The following NPSR1 variants were observed in gnomAD, a reference collection of about 807,000 sequenced individuals.
The protein encoded by NPSR1 is neuropeptide S receptor 1.
NPSR1 carries 48 observed loss-of-function variants against 46.9 expected under a neutral mutation model. The observed-to-expected ratio is 1.02, with a 90% CI of 0.81 to 1.30. The LOEUF (loss-of-function observed/expected upper bound fraction) is 1.30. Ranked by LOEUF, NPSR1 falls within the 50% of genes most tolerant of loss-of-function variation. The pLI, the probability that NPSR1 is intolerant of heterozygous loss-of-function variation, is 0.00. For synonymous variants in NPSR1, 176 were observed against 168.1 expected (o/e 1.05, Z -0.36); for missense variants, 450 against 449.5 (o/e 1.00, Z -0.01).
At chr7:34,724,673 A>G (rs1051092458) in intron 2 of NPSR1, among the ~76,000 whole-genome samples, 1 of 152,150 alleles carries the variant, frequency 6.6e-6, no homozygotes, top group African/African-American at 2.4e-5. Flanking sequence ...ATTTGGGGTA[A>G]AATCCCAGCT....
intron 2 of NPSR1, among the ~76,000 whole-genome samples, chr7:34,707,627 A>C (rs1794174539): frequency 6.6e-6 from 1 of 152,232 alleles, no homozygotes; most frequent in Non-Finnish European, 1.5e-5. Flanking sequence ...TACAAATTAC[A>C]GGTAAAATAA....
At position 34,685,412 on chromosome 7, in the gene NPSR1, C is replaced by G. The variant is rs150953627; in HGVS notation, c.280+728C>G. Among the ~76,000 whole-genome samples the G allele has an allele frequency of 2.8e-3, 426 of 152,162 alleles. 6 individuals are homozygous for G. Among genetic ancestry groups the G allele is most frequent in the East Asian group, 0.016 (82 of 5,164 alleles). ...AAAGAAAGTGAGAAAATGAGATTCA[C>G]AGAAGGTCCAGCATAAGCCACACTT... On this transcript the variant is annotated intron_variant, in intron 2 of 8. Transcript: ENST00000360581.
At chr7:34,818,863 C>T (rs186288785) in intron 4 of NPSR1, among the ~76,000 whole-genome samples, 81 of 152,280 alleles carry the variant, frequency 5.3e-4, no homozygotes, top group African/African-American at 1.8e-3. Context: ...CCTGGCTAGC[C>T]ATATGGAGAA....
At chr7:34,777,747 G>A (rs36056473) in intron 2 of NPSR1, among the ~76,000 whole-genome samples, 10,414 of 152,056 alleles carry the variant, frequency 0.068, 1,032 homozygotes, top group African/African-American at 0.22. Flanking sequence ...GAGGGGTGAG[G>A]GGCAGTTTTT....
chr7:34,678,750 C>T (rs959845094), intron 1 of NPSR1, among the ~76,000 whole-genome samples: 1 of 150,962 alleles, frequency 6.6e-6, no homozygotes, highest in Non-Finnish European at 1.5e-5. Context: ...GGCGTGAACC[C>T]GGCAGGCGGA....
At chr7:34,862,283 C>T (rs1791208166) in intron 8 of NPSR1, among the ~76,000 whole-genome samples, 1 of 151,680 alleles carries the variant, frequency 6.6e-6, no homozygotes. Flanking sequence ...GCCTTGCCAT[C>T]TCCTCAGTTA....
intron 2 of NPSR1, among the ~76,000 whole-genome samples, chr7:34,777,908 TA>T (rs1300821341): frequency 6.6e-6 from 1 of 152,114 alleles, no homozygotes; most frequent in Non-Finnish European, 1.5e-5. Flanking sequence ...CCAAGTATAT[TA>T]ATTAAATGGA....
At chr7:34,782,333 A>G (rs140538677) in intron 3 of NPSR1, among the ~76,000 whole-genome samples, 2 of 152,270 alleles carry the variant, frequency 1.3e-5, no homozygotes, top group African/African-American at 4.8e-5. Flanking sequence ...TACAAGCCAG[A>G]TCTAGTACCA....
chr7:34,705,281 G>A (rs534646367), intron 2 of NPSR1, among the ~76,000 whole-genome samples: 21 of 151,972 alleles, frequency 1.4e-4, no homozygotes, highest in Admixed American at 1.3e-3. Flanking sequence ...ATAAAAATCA[G>A]TTGGGCATGA....
intron 4 of NPSR1, among the ~76,000 whole-genome samples, chr7:34,814,384 C>G (rs35100808): frequency 1.1e-3 from 165 of 152,352 alleles, no homozygotes; most frequent in African/African-American, 3.8e-3. Flanking sequence ...AACAAAGTGG[C>G]CCGGCAGCTC....
chr7:34,874,363 TACCCTAAGATTC>T (rs1262829566), intron 8 of NPSR1, among the ~76,000 whole-genome samples: 15 of 152,142 alleles, frequency 9.9e-5, no homozygotes, highest in African/African-American at 3.1e-4. Context: ...GAGCTCACAT[TACCCTAAGATTC>T]ACCCTACCAT....
chr7:34,700,832 TAAGATAATGAATATA>T (rs996811867), intron 2 of NPSR1, among the ~76,000 whole-genome samples: 8 of 152,182 alleles, frequency 5.3e-5, no homozygotes, highest in Non-Finnish European at 8.8e-5. Flanking sequence ...GAGGATTAAA[TAAGATAATGAATATA>T]AAGTGCCTAG....
intron 2 of NPSR1, among the ~76,000 whole-genome samples, chr7:34,775,330 G>T (rs1786903677): frequency 6.6e-6 from 1 of 152,138 alleles, no homozygotes. Flanking sequence ...TCTGGTTTTG[G>T]TATCAGGATA....
chr7:34,850,827 G>A (rs1207572236), downstream of NPSR1, among the ~76,000 whole-genome samples: 1 of 152,176 alleles, frequency 6.6e-6, no homozygotes, highest in South Asian at 2.1e-4. Context: ...TTAGTTAGGA[G>A]CTAGGTTCCT....
chr7:34,850,268 T>C (rs1183635857), downstream of NPSR1, among the ~76,000 whole-genome samples: 3 of 152,236 alleles, frequency 2.0e-5, no homozygotes, highest in Admixed American at 1.3e-4. Context: ...GGGCATGCTG[T>C]TGGCCCTCCA....
chr7:34,813,308 A>G (rs566316992), intron 4 of NPSR1, among the ~76,000 whole-genome samples: 2 of 152,348 alleles, frequency 1.3e-5, no homozygotes, highest in African/African-American at 4.8e-5. Flanking sequence ...TATTCATAAT[A>G]TCTCTGTGAG....
At chr7:34,872,786 T>C in intron 8 of NPSR1, among the ~76,000 whole-genome samples, 1 of 151,734 alleles carries the variant, frequency 6.6e-6, no homozygotes, top group East Asian at 1.9e-4. Context: ...CCCCCCATGA[T>C]TCAATTATCT....
chr7:34,673,649 T>C (rs1032987700), intron 1 of NPSR1, among the ~76,000 whole-genome samples: 3 of 152,138 alleles, frequency 2.0e-5, no homozygotes, highest in African/African-American at 7.2e-5. Flanking sequence ...GTCTTGCCAG[T>C]CTCCAGACAA....
intron 6 of NPSR1, among the ~76,000 whole-genome samples, chr7:34,840,299 G>A (rs575397021): frequency 2.6e-5 from 4 of 152,224 alleles, no homozygotes; most frequent in Admixed American, 2.0e-4. Flanking sequence ...CAGGCACAAC[G>A]AGTGCCTTAA....
Sources: gnomAD v4.1 joint callset for allele counts (sites outside exome capture counted in the v4.1 genomes callset) on GRCh38, gnomAD v4.1.1 for gene constraint, MANE v1.5 for transcripts, NCBI Gene and HGNC (gene_info 2026-07-23, HGNC 2026-07-21) for gene names.